The following AGER variants were observed in gnomAD, a reference collection of about 807,000 sequenced individuals.
AGER encodes the protein advanced glycosylation end-product specific receptor.
In AGER, 46 loss-of-function variants were observed where a neutral mutation model predicts 48.8. The ratio of observed to expected loss-of-function variants is 0.94; its 90% confidence interval spans 0.74 to 1.20. The LOEUF (loss-of-function observed/expected upper bound fraction) is 1.20. Ranked by LOEUF, AGER falls within the 50% of genes most tolerant of loss-of-function variation. The pLI, the probability that AGER is intolerant of heterozygous loss-of-function variation, is 0.00. For synonymous variants in AGER, 170 were observed against 199.9 expected (o/e 0.85, Z 1.26); for missense variants, 489 against 515.0 (o/e 0.95, Z 0.49).
chr6:32,181,322 G>A lies in AGER; in HGVS notation c.1118+29C>T, dbSNP rs749031938. 1 of 1,613,514 alleles carries A rather than the reference G, an allele frequency of 6.2e-7. No homozygotes were observed. The highest frequency in any genetic ancestry group is 2.2e-5 in the East Asian group (1 of 44,878). On this transcript the variant is annotated intron_variant, in intron 10 of 10. Coordinates refer to ENST00000375076, the MANE Select transcript of AGER (RefSeq NM_001136.5). This position sits in a 1 kb window ranked among gnomAD's most constrained non-coding sequence, Gnocchi z 4.1. Reference sequence around the variant, plus strand: ...TTCGCTTGCTGCCTGGAAGCCCTAGGTCTGAGGGGTCTGGCTTTCTCCACT... The same window carrying A: ...TTCGCTTGCTGCCTGGAAGCCCTAGATCTGAGGGGTCTGGCTTTCTCCACT...
At position 32,184,170 on chromosome 6, in the gene AGER, C is replaced by T. The variant is rs1478999961; in HGVS notation, c.52+1G>A. The T allele has an allele frequency of 1.9e-6, 3 of 1,611,208 alleles. No homozygotes were observed. The highest frequency in any genetic ancestry group is 2.5e-6 in the Non-Finnish European group (3 of 1,179,060). The stretch of plus-strand genomic sequence containing the variant: ...TCAGTGGGGTTGAGGGAGTGGCTCA[C>T]CCCACAGACTGAGGACCAGCACCCA... On this transcript the variant is annotated splice_donor_variant, in intron 1 of 10. Coordinates refer to ENST00000375076, the MANE Select transcript of AGER (RefSeq NM_001136.5). LOFTEE classifies it high-confidence loss of function.
In AGER at chr6:32,181,264, G is replaced by A. The variant is rs765537169; in HGVS notation, c.1119-25C>T. The A allele has an allele frequency of 6.2e-7, 1 of 1,613,988 alleles. No homozygotes were observed. The highest frequency in any genetic ancestry group is 8.5e-7 in the Non-Finnish European group (1 of 1,180,030). On this transcript the variant is annotated intron_variant, in intron 10 of 10. Coordinates refer to ENST00000375076, the MANE Select transcript of AGER (RefSeq NM_001136.5). The surrounding 1 kb of genome is among the most constrained non-coding windows in gnomAD (Gnocchi z 4.1). ...CCTGAGGAGAAAGATTGGGGGGAAT[G>A]CGGCACGTTGTCGTTCCACCCCCCG...
At chr6:32,184,019 A>C (rs1427373472) in intron 1 of AGER, 32 bp from the exon 2 acceptor site, 1 of 1,612,796 alleles carries the variant, frequency 6.2e-7, no homozygotes, top group African/African-American at 1.3e-5. Flanking sequence ...GAGGGGTAGG[A>C]AGGGAATGAG....
At chr6:32,183,799 GA>G in intron 2 of AGER, 49 bp from the exon 3 acceptor site, 1 of 1,611,538 alleles carries the variant, frequency 6.2e-7, no homozygotes, top group Non-Finnish European at 8.5e-7. Context: ...TTTGGGAAAG[GA>G]CTGTGAGGCA....
At position 32,181,037 on chromosome 6, in the gene AGER, GGGTTATACAGGAGAGA is replaced by G. The variant is rs1439914945; in HGVS notation, c.*90_*105del. On this transcript the variant is annotated 3_prime_UTR_variant, in exon 11 of 11. Coordinates refer to ENST00000375076, the MANE Select transcript of AGER (RefSeq NM_001136.5). This position sits in a 1 kb window ranked among gnomAD's most constrained non-coding sequence, Gnocchi z 4.1. ...TTGTAGAAGAAAGCTTGGCAAGGTG[GGGTTATACAGGAGAGA>G]GATTATACAGGAGAGAGTTGGTCTG... The G allele has an allele frequency of 6.9e-6, 8 of 1,160,002 alleles. No individual in the cohort carries two copies. Among genetic ancestry groups the G allele is most frequent in the Non-Finnish European group, 1.0e-5 (8 of 790,304 alleles). The allele number at this position is 1,160,002 out of a possible 1,614,324, so 71.9% of individuals were successfully genotyped here.
chr6:32,183,415 G>A (rs2856442), intron 3 of AGER, 27 bp from the exon 4 acceptor site: 14 of 1,610,128 alleles, frequency 8.7e-6, no homozygotes, highest in African/African-American at 8.0e-5. Flanking sequence ...CCAGTCAGAG[G>A]CTGTAATTGT....
At position 32,182,189 on chromosome 6, in the gene AGER, G is replaced by C. The variant is rs1030419690; in HGVS notation, c.964+58C>G. The stretch of plus-strand genomic sequence containing the variant: ...GGCCAGAATGGGGCAGGAAATTAGA[G>C]CCTGTGCTGTCCTGCACCCTAGTCC... On this transcript the variant is annotated intron_variant, in intron 8 of 10. Coordinates refer to ENST00000375076, the MANE Select transcript of AGER (RefSeq NM_001136.5). This position sits in a 1 kb window ranked among gnomAD's most constrained non-coding sequence, Gnocchi z 5.1. The C allele has an allele frequency of 3.7e-5, 59 of 1,609,728 alleles. No individual in the cohort carries two copies. The highest frequency in any genetic ancestry group is 4.8e-5 in the Non-Finnish European group (57 of 1,178,282).
chr6:32,181,439 C>A lies in AGER; in HGVS notation c.1030G>T (p.Ala344Ser), dbSNP rs1012469882. 1.9e-6 allele frequency: 3 copies of A among 1,613,196 alleles called. No homozygotes were observed. In the African/African-American group the frequency reaches 4.0e-5, roughly 22 times the overall value. Residue 344 changes from alanine to serine, a missense_variant, in exon 10 of 11, where the codon GCC (alanine) becomes TCC (serine). By Grantham distance (99) the Ala-to-Ser change is moderately conservative. Transcript: ENST00000375076. This position sits in a 1 kb window ranked among gnomAD's most constrained non-coding sequence, Gnocchi z 4.1. ...CCCAGGCCTCCCAGGATCCCCAGGGCCAGGGCTAGAGTTCCCAGCCCTGAT... is the reference window on the plus strand; with the variant it reads ...CCCAGGCCTCCCAGGATCCCCAGGGACAGGGCTAGAGTTCCCAGCCCTGAT... ...GGSGLGTLAL[A>S]LGILGGLGTA...
In AGER at chr6:32,181,448, G is replaced by C; in HGVS notation, c.1021C>G (p.Leu341Val). 1.2e-6 allele frequency: 2 copies of C among 1,613,320 alleles called. No individual in the cohort carries two copies. The highest frequency in any genetic ancestry group is 1.7e-6 in the Non-Finnish European group (2 of 1,179,992). The change falls in exon 10 of 11, where the codon CTA becomes GTA. Residue 341 changes from leucine to valine, a missense_variant. Transcript: ENST00000375076. This position sits in a 1 kb window ranked among gnomAD's most constrained non-coding sequence, Gnocchi z 4.1. ...GSVGGSGLGTLALALGILGGL... is the reference protein window; with the variant it reads ...GSVGGSGLGTVALALGILGGL... ...CCCAGGATCCCCAGGGCCAGGGCTA[G>C]AGTTCCCAGCCCTGATCCTCCCACA...
rs758229436 is a variant in AGER at position 32,181,492 on chromosome 6, G to A, written c.992-15C>T. 2 of 1,613,088 alleles carry A rather than the reference G, an allele frequency of 1.2e-6. No homozygotes were observed. Among genetic ancestry groups the A allele is most frequent in the Non-Finnish European group, 1.7e-6 (2 of 1,180,050 alleles). On this transcript the variant is annotated splice_polypyrimidine_tract_variant and intron_variant, in intron 9 of 10. Coordinates refer to ENST00000375076, the MANE Select transcript of AGER (RefSeq NM_001136.5). The surrounding 1 kb of genome is among the most constrained non-coding windows in gnomAD (Gnocchi z 4.1). ...TCCCACAGAGCCTGTACGGAGACAG[G>A]GAAAATTGAGAGCACAGCCACCACC...
At chr6:32,183,288 G>A in intron 4 of AGER, 36 bp downstream of exon 4, 3 of 1,613,166 alleles carry the variant, frequency 1.9e-6, no homozygotes, top group Non-Finnish European at 2.5e-6. Flanking sequence ...CCTGTTCACA[G>A]GGCCGTTTTC....
At position 32,181,659 on chromosome 6, in the gene AGER, G is replaced by A. The variant is rs1413487012; in HGVS notation, c.965-27C>T. ...TGGAAGACAAAGTTGGATCCAGTCA[G>A]AAAGGAAGACTTCGGGTTGAGAGAG... is the stretch of plus-strand genomic sequence containing the variant. On this transcript the variant is annotated intron_variant, in intron 8 of 10. Transcript: ENST00000375076. This position sits in a 1 kb window ranked among gnomAD's most constrained non-coding sequence, Gnocchi z 4.1. 1.9e-6 allele frequency: 3 copies of A among 1,611,364 alleles called. No homozygotes were observed. The African/African-American group carries it at 4.0e-5, about 22-fold the overall frequency.
rs749621938 is a variant in AGER, at chr6:32,184,209, G to A, written c.14C>T (p.Thr5Ile). MAAGTAVGAWVLVLS... is the reference protein window; with the variant it reads MAAGIAVGAWVLVLS... The stretch of plus-strand genomic sequence containing the variant: ...GACCAGCACCCAGGCTCCAACTGCT[G>A]TTCCGGCAGCCATCCTGCTTCCTTC... Residue 5 changes from threonine (T) to isoleucine (I), a missense_variant, in exon 1 of 11, where the codon ACA becomes ATA. Transcript: ENST00000375076. 8.1e-6 allele frequency: 13 copies of A among 1,612,714 alleles called. No homozygotes were observed. In the Admixed American group the frequency reaches 1.8e-4, roughly 23 times the overall value.
Position 32,183,006 on chromosome 6 carries a change from G to C in AGER, c.526C>G (p.Gln176Glu). The change falls in exon 6 of 11, where the codon CAG becomes GAG. Residue 176 changes from glutamine (Q) to glutamate (E), a missense_variant. Physicochemically the swap from Gln to Glu is conservative, Grantham distance 29. Coordinates refer to ENST00000375076, the MANE Select transcript of AGER (RefSeq NM_001136.5). ...PNEKGVSVKEQTRRHPETGLF... is the reference protein window; with the variant it reads ...PNEKGVSVKEETRRHPETGLF... The stretch of plus-strand genomic sequence containing the variant: ...CCTGTCTCAGGGTGTCTCCTGGTCT[G>C]TTCCTTCACAGATACTCCTATGATG... 6.2e-7 allele frequency: 1 copy of C among 1,613,078 alleles called. No homozygotes were observed.
At position 32,182,630 on chromosome 6, in the gene AGER, TTCCACCAGGAGCTACTGC is replaced by T. The variant is rs756141398; in HGVS notation, c.742_759del (p.Ala248_Gly253del). On this transcript the variant is annotated inframe_deletion, in exon 7 of 11. Transcript: ENST00000375076. This position sits in a 1 kb window ranked among gnomAD's most constrained non-coding sequence, Gnocchi z 5.1. ...GGGACTTCACAGGTCAGGGTTACGG[TTCCACCAGGAGCTACTGC>T]TCCACCTTCTGGCTCCACCACCAAT... 2.2e-5 allele frequency: 35 copies of T among 1,613,016 alleles called. No individual in the cohort carries two copies. The highest frequency in any genetic ancestry group is 2.9e-5 in the Non-Finnish European group (34 of 1,180,020).
chr6:32,183,482 TG>T (rs1561879641), intron 3 of AGER, 72 bp downstream of exon 3: 21 of 1,607,486 alleles, frequency 1.3e-5, no homozygotes, highest in Non-Finnish European at 1.8e-5. Flanking sequence ...GAGGCCCTCA[TG>T]GGCCAAGGCT....
rs756896570 is a variant in AGER, at chr6:32,183,851, T to C, written c.159+30A>G. 9.9e-6 allele frequency: 16 copies of C among 1,612,362 alleles called. 1 individual carries two copies. The highest frequency in any genetic ancestry group is 1.3e-5 in the African/African-American group (1 of 74,882). ...AAATCATTGCTGGTCTCCCTGGAAG[T>C]TGGGAGGCTGCAACAGGAGCCCCGC... On this transcript the variant is annotated intron_variant, in intron 2 of 10. Transcript: ENST00000375076.
chr6:32,181,029 G>T lies in AGER; in HGVS notation c.*114C>A. 2 of 1,079,406 alleles carry T rather than the reference G, an allele frequency of 1.9e-6. No homozygotes were observed. Among genetic ancestry groups the T allele is most frequent in the Non-Finnish European group, 2.8e-6 (2 of 724,924 alleles). 66.9% of individuals were successfully genotyped at this position (1,079,406 alleles called of 1,614,324 possible). On this transcript the variant is annotated 3_prime_UTR_variant, in exon 11 of 11. Transcript: ENST00000375076. This position sits in a 1 kb window ranked among gnomAD's most constrained non-coding sequence, Gnocchi z 4.1. ...GGCTCTGGTTGTAGAAGAAAGCTTG[G>T]CAAGGTGGGGTTATACAGGAGAGAG...
At position 32,181,694 on chromosome 6, in the gene AGER, G is replaced by C; in HGVS notation, c.965-62C>G. 1 of 1,532,696 alleles carries C rather than the reference G, an allele frequency of 6.5e-7. No individual in the cohort carries two copies. Among genetic ancestry groups the C allele is most frequent in the Non-Finnish European group, 9.0e-7 (1 of 1,116,402 alleles). 94.9% of individuals were successfully genotyped at this position (1,532,696 alleles called of 1,614,324 possible). ...CTTCGGGTTGAGAGAGGGTTATTTAGTGGGAGCCCCAGTGGAGTCTTTCCC... is the reference window on the plus strand; with the variant it reads ...CTTCGGGTTGAGAGAGGGTTATTTACTGGGAGCCCCAGTGGAGTCTTTCCC... On this transcript the variant is annotated intron_variant, in intron 8 of 10. Coordinates refer to ENST00000375076, the MANE Select transcript of AGER (RefSeq NM_001136.5). The surrounding 1 kb of genome is among the most constrained non-coding windows in gnomAD (Gnocchi z 4.1).
Sources: gnomAD v4.1 joint callset for allele counts on GRCh38, gnomAD v4.1.1 for gene constraint, Gnocchi (gnomAD v3.1) non-coding constraint, MANE v1.5 for transcripts, NCBI Gene and HGNC (gene_info 2026-07-23, HGNC 2026-07-21) for gene names.